Variants in CNOT6L observed in about 807,000 individuals in gnomAD.
The protein encoded by CNOT6L is CCR4-NOT transcription complex subunit 6 like.
CNOT6L carries 7 observed loss-of-function variants against 64.0 expected under a neutral mutation model. The observed-to-expected ratio is 0.11, with a 90% CI of 0.06 to 0.21. The LOEUF (loss-of-function observed/expected upper bound fraction) is 0.21, where lower values mean the gene tolerates loss of function less well. CNOT6L is among the 10% of genes least tolerant of loss of function. CNOT6L has a pLI of 1.00. For missense variants in CNOT6L, 245 were observed against 669.0 expected, an observed-to-expected ratio of 0.37 and a Z score of 6.99; for synonymous variants, 193 against 243.4, an observed-to-expected ratio of 0.79 and a Z score of 1.93.
chr4:77,718,710 A>AAAT lies in CNOT6L; in HGVS notation c.*1718_*1720dup, dbSNP rs1393342976. The AAAT allele has an allele frequency of 3.9e-5, 6 of 152,618 alleles. No individual in the cohort carries two copies. Among genetic ancestry groups the AAAT allele is most frequent in the Non-Finnish European group, 8.8e-5 (6 of 68,024 alleles). The allele number at this position is 152,618 out of a possible 1,614,324, so 9.5% of individuals were successfully genotyped here. A position where few individuals can be genotyped will look rare whatever the true frequency, so the allele number is the denominator to read the frequency against. On this transcript the variant is annotated 3_prime_UTR_variant, in exon 12 of 12. Coordinates refer to ENST00000504123, the MANE Select transcript of CNOT6L (RefSeq NM_144571.3). ...GTCCCACTAAAATTACCCTCTGGGG[A>AAAT]AATATTACCTTATATAGCCTGATTA...
intron 7 of CNOT6L, 82 bp from the exon 8 acceptor site, chr4:77,742,377 A>T: frequency 8.1e-7 from 1 of 1,233,100 alleles, no homozygotes; most frequent in Non-Finnish European, 1.2e-6. Context: ...ATTATGAGTA[A>T]GATGTAACTT....
chr4:77,741,462 G>A (rs1723580407), intron 8 of CNOT6L, among the ~76,000 whole-genome samples: 1 of 152,138 alleles, frequency 6.6e-6, no homozygotes, highest in Admixed American at 6.5e-5. Flanking sequence ...ACCTCTATCA[G>A]ATGTCACGTT....
chr4:77,741,716 G>A (rs1723616513), intron 8 of CNOT6L, among the ~76,000 whole-genome samples: 1 of 151,988 alleles, frequency 6.6e-6, no homozygotes, highest in African/African-American at 2.4e-5. Context: ...CAAATGCTCA[G>A]TATACATTTA....
chr4:77,743,586 C>CTTTTTTTTTTT (rs142888128), intron 7 of CNOT6L, among the ~76,000 whole-genome samples: 1 of 70,888 alleles, frequency 1.4e-5, no homozygotes, highest in African/African-American at 6.8e-5. Context: ...TAACACACAA[C>CTTTTTTTTTTT]TTTTTTTTTT....
chr4:77,806,093 T>C (rs764503812), intron 1 of CNOT6L, among the ~76,000 whole-genome samples: 186 of 152,174 alleles, frequency 1.2e-3, no homozygotes, highest in Non-Finnish European at 2.2e-3. Flanking sequence ...TCCCATCTCC[T>C]CAACTGATGG....
At chr4:77,749,321 C>A (rs899328741) in intron 5 of CNOT6L, among the ~76,000 whole-genome samples, 8 of 152,080 alleles carry the variant, frequency 5.3e-5, no homozygotes, top group African/African-American at 1.9e-4. Context: ...AGATGACAGA[C>A]AAATCATCCA....
intron 11 of CNOT6L, among the ~76,000 whole-genome samples, chr4:77,722,360 T>C (rs1163395412): frequency 6.6e-6 from 1 of 151,982 alleles, no homozygotes; most frequent in Non-Finnish European, 1.5e-5. Context: ...CAGGAGTTAA[T>C]TACCAGCCTG....
chr4:77,815,685 A>G (rs1733490805), intron 1 of CNOT6L, among the ~76,000 whole-genome samples: 1 of 152,202 alleles, frequency 6.6e-6, no homozygotes, highest in African/African-American at 2.4e-5. Context: ...TCTTGCCAAT[A>G]AAATTTGGAG....
intron 5 of CNOT6L, among the ~76,000 whole-genome samples, chr4:77,756,539 C>A (rs1338509804): frequency 6.6e-6 from 1 of 152,176 alleles, no homozygotes; most frequent in Non-Finnish European, 1.5e-5. Context: ...AGATTCACAG[C>A]TCTGGCACTG....
At chr4:77,790,880 G>A (rs930470135) in intron 1 of CNOT6L, among the ~76,000 whole-genome samples, 4 of 148,784 alleles carry the variant, frequency 2.7e-5, no homozygotes, top group African/African-American at 5.0e-5. Context: ...GGCTGGTCTC[G>A]AACACTCCTG....
At chr4:77,738,546 G>A (rs1454804620) in intron 8 of CNOT6L, among the ~76,000 whole-genome samples, 2 of 152,112 alleles carry the variant, frequency 1.3e-5, no homozygotes, top group African/African-American at 4.8e-5. Flanking sequence ...CTGAGGTCGG[G>A]AGTTTGAGAC....
chr4:77,785,930 T>C (rs1729384987), intron 1 of CNOT6L, among the ~76,000 whole-genome samples: 1 of 152,132 alleles, frequency 6.6e-6, no homozygotes, highest in Non-Finnish European at 1.5e-5. Flanking sequence ...AAGGGGGTTG[T>C]AGGTGTGGTA....
At chr4:77,770,189 A>C (rs75602311) in intron 4 of CNOT6L, among the ~76,000 whole-genome samples, 1 of 152,136 alleles carries the variant, frequency 6.6e-6, no homozygotes, top group Admixed American at 6.5e-5. Flanking sequence ...TTGTTGAGCC[A>C]GCATGACCCA....
At chr4:77,796,432 T>C (rs1004323767) in intron 1 of CNOT6L, among the ~76,000 whole-genome samples, 1 of 151,840 alleles carries the variant, frequency 6.6e-6, no homozygotes, top group Non-Finnish European at 1.5e-5. Flanking sequence ...TCATTAGAGA[T>C]TGTTGCTTGA....
In CNOT6L at chr4:77,720,509, G is replaced by A; in HGVS notation, c.1590C>T (p.Phe530=). The change falls in exon 12 of 12, where the codon TTC becomes TTT. Residue 530 remains phenylalanine (F), a synonymous_variant. Transcript: ENST00000504123. ...CPHPHIPSDH[F]SLLTQLELHP... is the part of the protein sequence containing the mutation. ...GGAGTTCAAGTTGTGTTAACAGTGA[G>A]AAGTGGTCTGAAGGGATGTGAGGGT... 1 of 1,613,508 alleles carries A rather than the reference G, an allele frequency of 6.2e-7. No homozygotes were observed. The highest frequency in any genetic ancestry group is 2.2e-5 in the East Asian group (1 of 44,872).
intron 1 of CNOT6L, among the ~76,000 whole-genome samples, chr4:77,796,514 T>C (rs1162990624): frequency 2.0e-5 from 3 of 152,120 alleles, no homozygotes; most frequent in African/African-American, 7.2e-5. Flanking sequence ...TGCTTCCCCT[T>C]CACCTTCTGC....
intron 8 of CNOT6L, among the ~76,000 whole-genome samples, chr4:77,734,599 T>C (rs1213015908): frequency 1.3e-5 from 2 of 152,196 alleles, no homozygotes; most frequent in African/African-American, 2.4e-5. Context: ...CCTCTTTTTA[T>C]TCCTTCCATT....
chr4:77,772,338 T>G (rs1577969137), intron 4 of CNOT6L, among the ~76,000 whole-genome samples: 1 of 152,080 alleles, frequency 6.6e-6, no homozygotes, highest in African/African-American at 2.4e-5. Flanking sequence ...GTTCAAGCGA[T>G]TTTCCAGACC....
rs1365540270 is a variant in CNOT6L, at chr4:77,717,482, C to T, written c.*2949G>A. On this transcript the variant is annotated 3_prime_UTR_variant, in exon 12 of 12. Coordinates refer to ENST00000504123, the MANE Select transcript of CNOT6L (RefSeq NM_144571.3). ...AACATGTATCACATTCTAAAAATGCCCAGATTTTCTTTTATCTTCTGATTA... is the reference window on the plus strand; with the variant it reads ...AACATGTATCACATTCTAAAAATGCTCAGATTTTCTTTTATCTTCTGATTA... 6.6e-6 allele frequency: 1 copy of T among 152,164 alleles called. No homozygotes were observed. Among genetic ancestry groups the T allele is most frequent in the African/African-American group, 2.4e-5 (1 of 41,306 alleles). The allele number at this position is 152,164 out of a possible 1,614,324, so 9.4% of individuals were successfully genotyped here.
Sources: allele counts gnomAD v4.1 joint callset (sites outside exome capture counted in the v4.1 genomes callset), GRCh38; gene constraint gnomAD v4.1.1; transcripts MANE v1.5; gene names NCBI Gene and HGNC (gene_info 2026-07-23, HGNC 2026-07-21).